The following FGGY variants were observed in gnomAD, a reference collection of about 807,000 sequenced individuals.
FGGY encodes FGGY carbohydrate kinase domain-containing protein.
In FGGY, 72 loss-of-function variants were observed where a neutral mutation model predicts 71.3. The ratio of observed to expected loss-of-function variants is 1.01; its 90% confidence interval spans 0.84 to 1.23. The LOEUF (loss-of-function observed/expected upper bound fraction) is 1.23. Among genes scored for constraint, FGGY ranks in the 50% most tolerant of loss-of-function variants. The pLI, the probability that FGGY is intolerant of heterozygous loss-of-function variation, is 0.00. For missense variants in FGGY, 668 were observed against 682.3 expected, an observed-to-expected ratio of 0.98 and a Z score of 0.23; for synonymous variants, 251 against 250.3, an observed-to-expected ratio of 1.00 and a Z score of -0.02.
chr1:59,303,412 T>C (rs1363567805), intron 1 of FGGY, among the ~76,000 whole-genome samples: 4 of 152,298 alleles, frequency 2.6e-5, no homozygotes, highest in South Asian at 2.1e-4. Flanking sequence ...CTTAAGTTCA[T>C]CCGTATTGTG....
chr1:59,610,720 C>T (rs748317105), intron 9 of FGGY, among the ~76,000 whole-genome samples: 4 of 152,194 alleles, frequency 2.6e-5, no homozygotes, highest in Non-Finnish European at 4.4e-5. Flanking sequence ...GAGGCATCGC[C>T]TCACCCGGGA....
chr1:59,528,239 A>G (rs190638993), intron 7 of FGGY, among the ~76,000 whole-genome samples: 28 of 152,358 alleles, frequency 1.8e-4, no homozygotes, highest in Non-Finnish European at 3.8e-4. Context: ...AAGTAGAGCA[A>G]TAAAGAGTTT....
intron 5 of FGGY, among the ~76,000 whole-genome samples, chr1:59,416,088 C>T (rs1413227512): frequency 1.3e-5 from 2 of 152,272 alleles, no homozygotes; most frequent in African/African-American, 2.4e-5. Flanking sequence ...CAATTAGTTA[C>T]AGTGGAGAAG....
At chr1:59,718,441 C>T (rs2097860532) in intron 14 of FGGY, among the ~76,000 whole-genome samples, 1 of 152,184 alleles carries the variant, frequency 6.6e-6, no homozygotes, top group Non-Finnish European at 1.5e-5. Flanking sequence ...AGCCACCAAC[C>T]AGTTCCTAAC....
intron 9 of FGGY, among the ~76,000 whole-genome samples, chr1:59,621,837 C>G (rs139391767): frequency 2.6e-5 from 4 of 152,016 alleles, no homozygotes; most frequent in African/African-American, 9.6e-5. Context: ...TGATTCCTTT[C>G]ACCAAGTTTG....
intron 14 of FGGY, among the ~76,000 whole-genome samples, chr1:59,689,445 C>T (rs1003753901): frequency 1.3e-5 from 2 of 151,998 alleles, no homozygotes; most frequent in Non-Finnish European, 2.9e-5. Flanking sequence ...GGTTGTTAAC[C>T]ACAAACAGAT....
chr1:59,482,348 C>T (rs1205005664), intron 6 of FGGY, among the ~76,000 whole-genome samples: 3 of 152,168 alleles, frequency 2.0e-5, no homozygotes, highest in African/African-American at 4.8e-5. Context: ...TAAAATGAAG[C>T]CTGTAGCCTT....
intron 7 of FGGY, among the ~76,000 whole-genome samples, chr1:59,518,107 T>G (rs2094715860): frequency 2.0e-5 from 3 of 152,346 alleles, no homozygotes; most frequent in Admixed American, 2.0e-4. Flanking sequence ...AGATATTGAA[T>G]TGGTTTAAAC....
At chr1:59,405,306 T>G (rs922035730) in intron 5 of FGGY, among the ~76,000 whole-genome samples, 1 of 152,220 alleles carries the variant, frequency 6.6e-6, no homozygotes, top group Non-Finnish European at 1.5e-5. Context: ...TACTATGCTT[T>G]TGTGCTATCC....
At chr1:59,336,985 A>G (rs944683506) in intron 2 of FGGY, among the ~76,000 whole-genome samples, 1 of 150,212 alleles carries the variant, frequency 6.7e-6, no homozygotes. Context: ...TAGGAAATAT[A>G]TATGTATATG....
At position 59,692,353 on chromosome 1, in the gene FGGY, C is replaced by T. The variant is rs560807142; in HGVS notation, c.1512+18220C>T. 4.6e-4 allele frequency among the ~76,000 whole-genome samples: 70 copies of T among 152,206 alleles called. 1 individual carries two copies. Among genetic ancestry groups the T allele is most frequent in the African/African-American group, 1.5e-3 (62 of 41,518 alleles). On this transcript the variant is annotated intron_variant, in intron 14 of 15. Transcript: ENST00000303721. ...CTTTGTATTTATTATATAAAATTCTCAAAATTACTCTGCCCGTTAGGCTTT... is the reference window on the plus strand; with the variant it reads ...CTTTGTATTTATTATATAAAATTCTTAAAATTACTCTGCCCGTTAGGCTTT...
At chr1:59,608,420 A>G (rs2096644318) in intron 9 of FGGY, among the ~76,000 whole-genome samples, 1 of 151,862 alleles carries the variant, frequency 6.6e-6, no homozygotes, top group Non-Finnish European at 1.5e-5. Flanking sequence ...CTGCTTGGGG[A>G]GTTCTTTACC....
intron 5 of FGGY, among the ~76,000 whole-genome samples, chr1:59,403,932 C>T (rs628177): frequency 0.42 from 64,010 of 151,976 alleles, 15,012 homozygotes; most frequent in African/African-American, 0.63. Context: ...TTGTGAGAAC[C>T]TGAATAACAT....
Position 59,450,738 on chromosome 1 carries a change from ATAT to A in FGGY, c.555-6219_555-6217del, listed in dbSNP as rs58716048. Among the ~76,000 whole-genome samples the A allele has an allele frequency of 5.5e-3, 839 of 152,218 alleles. 8 individuals are homozygous for A. The highest frequency in any genetic ancestry group is 0.02 in the African/African-American group (811 of 41,570). On this transcript the variant is annotated intron_variant, in intron 5 of 15. Coordinates refer to ENST00000303721, the MANE Select transcript of FGGY (RefSeq NM_018291.5). The stretch of plus-strand genomic sequence containing the variant: ...CATACTACATTGTTTGGTTCATAAA[ATAT>A]TATGAATGGTAGTTTTCTTGGATTG...
At chr1:59,694,138 A>T (rs1292998483) in intron 14 of FGGY, among the ~76,000 whole-genome samples, 1 of 150,924 alleles carries the variant, frequency 6.6e-6, no homozygotes, top group African/African-American at 2.4e-5. Context: ...AAATACAAAA[A>T]ATTAGCTGGG....
intron 7 of FGGY, among the ~76,000 whole-genome samples, chr1:59,521,036 T>TGGGGGGG (rs5774474): frequency 3.8e-5 from 5 of 130,360 alleles, no homozygotes; most frequent in African/African-American, 8.7e-5. Flanking sequence ...AAATTGGGGG[T>TGGGGGGG]GGGGGGGGAT....
At chr1:59,416,502 T>C (rs753964515) in intron 5 of FGGY, among the ~76,000 whole-genome samples, 16 of 152,340 alleles carry the variant, frequency 1.1e-4, no homozygotes, top group Non-Finnish European at 1.9e-4. Flanking sequence ...CTATATTAAA[T>C]CATTTCACCA....
Position 59,354,387 on chromosome 1 carries a change from GTCTT to G in FGGY, c.465+7991_465+7994del, listed in dbSNP as rs1484962436. ...AGCCACTGTGCCCAGCCTAATTATTGTCTTTTACAGATGAGGAAACAGGCACAGA... is the reference window on the plus strand; with the variant it reads ...AGCCACTGTGCCCAGCCTAATTATTGTTACAGATGAGGAAACAGGCACAGA... On this transcript the variant is annotated intron_variant, in intron 4 of 15. Coordinates refer to ENST00000303721, the MANE Select transcript of FGGY (RefSeq NM_018291.5). 2.6e-5 allele frequency among the ~76,000 whole-genome samples: 4 copies of G among 152,124 alleles called. No homozygotes were observed. The East Asian group carries it at 5.8e-4, about 22-fold the overall frequency.
chr1:59,697,740 A>C, intron 14 of FGGY: 6 of 1,293,980 alleles, frequency 4.6e-6, no homozygotes, highest in Non-Finnish European at 6.1e-6. Flanking sequence ...GTCTTTTGCA[A>C]GTAGGTGACA....
Sources: gnomAD v4.1 joint callset for allele counts (sites outside exome capture counted in the v4.1 genomes callset) on GRCh38, gnomAD v4.1.1 for gene constraint, MANE v1.5 for transcripts, NCBI Gene and HGNC (gene_info 2026-07-23, HGNC 2026-07-21) for gene names.